ESRRG: variants seen among roughly 807,000 people sequenced by gnomAD.
ESRRG encodes the protein estrogen related receptor gamma, also known as estrogen-related receptor gamma.
ESRRG carries 13 observed loss-of-function variants against 44.0 expected under a neutral mutation model. The ratio of observed to expected loss-of-function variants is 0.30; its 90% CI spans 0.19 to 0.47. ESRRG has a LOEUF of 0.47. Among genes scored for constraint, ESRRG ranks in the 20% least tolerant of loss-of-function variants. The pLI is 1.00. For synonymous variants in ESRRG, 215 were observed against 214.6 expected, an observed-to-expected ratio of 1.00 and a Z score of -0.02; for missense variants, 395 against 580.6, an observed-to-expected ratio of 0.68 and a Z score of 3.29.
chr1:217,112,105 G>A (rs1300129652), intron 1 of ESRRG, among the ~76,000 whole-genome samples: 1 of 152,116 alleles, frequency 6.6e-6, no homozygotes, highest in Non-Finnish European at 1.5e-5. Context: ...GATAAGTATA[G>A]CCCTGCACCT....
chr1:216,571,215 G>T (rs2060722410), intron 3 of ESRRG, among the ~76,000 whole-genome samples: 1 of 152,126 alleles, frequency 6.6e-6, no homozygotes, highest in Non-Finnish European at 1.5e-5. Flanking sequence ...GGCTGAGGTG[G>T]GTGGATCACC....
intron 1 of ESRRG, among the ~76,000 whole-genome samples, chr1:216,943,645 C>T (rs980686335): frequency 6.6e-6 from 1 of 152,114 alleles, no homozygotes; most frequent in East Asian, 1.9e-4. Flanking sequence ...AAAGCCTGAA[C>T]AGCATATACT....
intron 1 of ESRRG, among the ~76,000 whole-genome samples, chr1:217,133,636 TC>T (rs1558298155): frequency 1.9e-3 from 103 of 53,900 alleles, no homozygotes; most frequent in African/African-American, 2.8e-3. Context: ...TTTCTTTCTC[TC>T]TCTCTCTCTC....
chr1:216,646,336 G>T (rs1041785396), intron 3 of ESRRG, among the ~76,000 whole-genome samples: 3 of 152,080 alleles, frequency 2.0e-5, no homozygotes, highest in African/African-American at 4.8e-5. Context: ...ACCTTGGGTT[G>T]GTCTAGCAAG....
intron 1 of ESRRG, among the ~76,000 whole-genome samples, chr1:216,978,282 C>A (rs2073336308): frequency 6.6e-6 from 1 of 152,096 alleles, no homozygotes; most frequent in South Asian, 2.1e-4. Flanking sequence ...TTCCATATTG[C>A]CTAAAGCTAC....
At chr1:216,898,993 C>G (rs1007593673) in intron 2 of ESRRG, among the ~76,000 whole-genome samples, 4 of 152,130 alleles carry the variant, frequency 2.6e-5, no homozygotes, top group African/African-American at 9.7e-5. Flanking sequence ...TAGAACAGCA[C>G]ATTCTCTCCT....
At chr1:216,727,212 C>T (rs570434318), upstream of ESRRG, among the ~76,000 whole-genome samples, 1 of 152,210 alleles carries the variant, frequency 6.6e-6, no homozygotes, top group South Asian at 2.1e-4. Flanking sequence ...TTTCAAATTG[C>T]CTAGTAATCT....
intron 2 of ESRRG, among the ~76,000 whole-genome samples, chr1:216,828,270 A>C (rs528443133): frequency 1.8e-4 from 27 of 152,306 alleles, no homozygotes; most frequent in Middle Eastern, 3.4e-3. Context: ...CTGCAAATTT[A>C]AGGATTGAAA....
chr1:216,864,636 A>G (rs1300266927), intron 2 of ESRRG: 1 of 152,194 alleles, frequency 6.6e-6, no homozygotes, highest in Non-Finnish European at 1.5e-5. Flanking sequence ...TGTTCTAAGA[A>G]GGCAAAGTAG....
At chr1:216,992,542 T>C (rs2075865831) in intron 1 of ESRRG, among the ~76,000 whole-genome samples, 1 of 152,222 alleles carries the variant, frequency 6.6e-6, no homozygotes, top group African/African-American at 2.4e-5. Context: ...AATGTTTGTT[T>C]AATTGTATTA....
chr1:216,938,412 T>C (rs2064533693), intron 2 of ESRRG, among the ~76,000 whole-genome samples: 1 of 152,148 alleles, frequency 6.6e-6, no homozygotes, highest in Non-Finnish European at 1.5e-5. Context: ...CTGAATGATT[T>C]GGGGCCAGAA....
intron 1 of ESRRG, among the ~76,000 whole-genome samples, chr1:216,696,109 T>C (rs1339341): frequency 0.78 from 118,166 of 152,168 alleles, 46,041 homozygotes; most frequent in Admixed American, 0.81. Flanking sequence ...AAAAGATATA[T>C]GGAAAGTTTG....
intron 1 of ESRRG, chr1:216,707,533 G>T (rs995809582): frequency 1.5e-5 from 23 of 1,499,266 alleles, no homozygotes; most frequent in Admixed American, 2.1e-5. Flanking sequence ...GCAATTTGCT[G>T]AAGTTTTATG....
At chr1:217,056,969 A>C (rs982452344) in intron 1 of ESRRG, among the ~76,000 whole-genome samples, 4 of 152,244 alleles carry the variant, frequency 2.6e-5, no homozygotes, top group African/African-American at 7.2e-5. Flanking sequence ...AACAGCTCTC[A>C]CTGGGAGGGG....
intron 2 of ESRRG, among the ~76,000 whole-genome samples, chr1:216,781,920 CT>C (rs1436270985): frequency 6.6e-6 from 1 of 152,026 alleles, no homozygotes; most frequent in Non-Finnish European, 1.5e-5. Context: ...GGTGACAAGC[CT>C]CTGATTGAAA....
intron 2 of ESRRG, among the ~76,000 whole-genome samples, chr1:216,921,385 T>C (rs2061827812): frequency 6.6e-6 from 1 of 152,164 alleles, no homozygotes; most frequent in Non-Finnish European, 1.5e-5. Context: ...ATGTAAGAGA[T>C]ATACTGCCAA....
intron 1 of ESRRG, among the ~76,000 whole-genome samples, chr1:216,691,007 G>C (rs1024225122): frequency 6.6e-6 from 1 of 152,122 alleles, no homozygotes; most frequent in Admixed American, 6.6e-5. Context: ...AGAAAAGAAA[G>C]CTAACCTGCC....
At chr1:217,021,266 A>G (rs2080276676) in intron 1 of ESRRG, among the ~76,000 whole-genome samples, 1 of 152,184 alleles carries the variant, frequency 6.6e-6, no homozygotes, top group South Asian at 2.1e-4. Context: ...AGCCATTCAC[A>G]ATCTCTCACC....
At chr1:216,726,112 C>G (rs145338622), upstream of ESRRG, among the ~76,000 whole-genome samples, 1 of 152,292 alleles carries the variant, frequency 6.6e-6, no homozygotes, top group Non-Finnish European at 1.5e-5. Flanking sequence ...GATACATGTA[C>G]AAACATACAT....
Sources: allele counts gnomAD v4.1 joint callset (sites outside exome capture counted in the v4.1 genomes callset), GRCh38; gene constraint gnomAD v4.1.1; transcripts MANE v1.5; gene names NCBI Gene and HGNC (gene_info 2026-07-23, HGNC 2026-07-21).